Variants in EML4 observed in about 807,000 individuals in gnomAD.
EML4 encodes echinoderm microtubule-associated protein-like 4.
EML4 carries 72 observed loss-of-function variants against 129.0 expected under a neutral mutation model. The ratio of observed to expected loss-of-function variants is 0.56; its 90% confidence interval spans 0.46 to 0.68. EML4 has a LOEUF of 0.68. EML4 is among the 30% of genes least tolerant of loss of function. The pLI is 0.00. For synonymous variants in EML4, 532 were observed against 405.0 expected, an observed-to-expected ratio of 1.31 and a Z score of -3.77; for missense variants, 1,363 against 1,190.6, an observed-to-expected ratio of 1.14 and a Z score of -2.13.
rs370621801 is a variant in EML4 at position 42,329,991 on chromosome 2, T to G, written c.2730T>G (p.Ala910=). The part of the protein sequence containing the change: ...PPPSQPLNET[A]EEESRISSSP... Reference sequence around the variant, plus strand: ...CTTCTCAGCCCTTAAATGAGACAGCTGAAGAGGAAAGTAGAATAAGCAGTT... The same window carrying G: ...CTTCTCAGCCCTTAAATGAGACAGCGGAAGAGGAAAGTAGAATAAGCAGTT... Residue 910 remains alanine, a synonymous_variant, in exon 23 of 23, where the codon GCT becomes GCG. Coordinates refer to ENST00000318522, the MANE Select transcript of EML4 (RefSeq NM_019063.5). The G allele has an allele frequency of 3.1e-6, 5 of 1,613,636 alleles. No individual in the cohort carries two copies. In the African/African-American group the frequency reaches 4.0e-5, roughly 13 times the overall value.
At chr2:42,243,618 A>G (rs1265887012) in intron 1 of EML4, among the ~76,000 whole-genome samples, 1 of 152,238 alleles carries the variant, frequency 6.6e-6, no homozygotes, top group East Asian at 1.9e-4. Context: ...TGAAGTCTAG[A>G]TTAAAGATGA....
intron 1 of EML4, among the ~76,000 whole-genome samples, chr2:42,198,545 C>CA (rs1371690627): frequency 6.6e-6 from 1 of 151,464 alleles, no homozygotes; most frequent in Non-Finnish European, 1.5e-5. Context: ...TCCATCTCTA[C>CA]AAAAAAAGAA....
At chr2:42,213,903 G>A (rs1207355723) in intron 1 of EML4, among the ~76,000 whole-genome samples, 2 of 152,152 alleles carry the variant, frequency 1.3e-5, no homozygotes, top group Non-Finnish European at 2.9e-5. Flanking sequence ...CTTTTATGCA[G>A]TTATAATTTG....
intron 1 of EML4, among the ~76,000 whole-genome samples, chr2:42,180,346 C>A (rs1046423577): frequency 2.0e-5 from 3 of 152,094 alleles, no homozygotes; most frequent in Non-Finnish European, 4.4e-5. Flanking sequence ...TTTTGTTTGG[C>A]CCTTTTGAGT....
At chr2:42,169,695 G>T in intron 1 of EML4, 59 bp downstream of exon 1, 1 of 1,573,570 alleles carries the variant, frequency 6.4e-7, no homozygotes, top group Admixed American at 1.8e-5. Flanking sequence ...TTTTCCTTCC[G>T]CACACAGCCC....
rs755141552 is a variant in EML4, at chr2:42,317,547, T to C, written c.2154+23T>C. The C allele has an allele frequency of 1.6e-5, 24 of 1,525,698 alleles. No individual in the cohort carries two copies. In the East Asian group the frequency reaches 3.8e-4, roughly 24 times the overall value. 94.5% of individuals were successfully genotyped at this position (1,525,698 alleles called of 1,614,324 possible). A position where few individuals can be genotyped will look rare whatever the true frequency, so the allele number is the denominator to read the frequency against. On this transcript the variant is annotated intron_variant, in intron 19 of 22. Coordinates refer to ENST00000318522, the MANE Select transcript of EML4 (RefSeq NM_019063.5). ...ACTGTAAGTAGTGAAGTAGAACAAG[T>C]TGTAAAATTATTGGGAAATTTTACT...
chr2:42,256,651 GA>G, intron 3 of EML4, 21 bp downstream of exon 3: 1 of 1,612,370 alleles, frequency 6.2e-7, no homozygotes, highest in Non-Finnish European at 8.5e-7. Flanking sequence ...ATGAAAGGGG[GA>G]AAAACTAACA....
chr2:42,176,989 C>A (rs1235721779), intron 1 of EML4, among the ~76,000 whole-genome samples: 1 of 152,040 alleles, frequency 6.6e-6, no homozygotes, highest in Non-Finnish European at 1.5e-5. Flanking sequence ...AGACGGGTTT[C>A]ACCATGTTGG....
At chr2:42,178,608 TG>T (rs1670754442) in intron 1 of EML4, among the ~76,000 whole-genome samples, 1 of 152,160 alleles carries the variant, frequency 6.6e-6, no homozygotes, top group Non-Finnish European at 1.5e-5. Context: ...GTGTGGTGCC[TG>T]TCACGTGAGA....
At chr2:42,244,760 C>A (rs1410229063) in intron 1 of EML4, among the ~76,000 whole-genome samples, 1 of 152,088 alleles carries the variant, frequency 6.6e-6, no homozygotes, top group Non-Finnish European at 1.5e-5. Context: ...CTATCTGATA[C>A]ATAAAACCAA....
chr2:42,222,555 C>T (rs925883986), intron 1 of EML4, among the ~76,000 whole-genome samples: 2 of 152,086 alleles, frequency 1.3e-5, no homozygotes, highest in Non-Finnish European at 2.9e-5. Context: ...ACCTTTTGTC[C>T]TACAAAGCCT....
intron 17 of EML4, among the ~76,000 whole-genome samples, chr2:42,305,429 A>G (rs1668539756): frequency 6.6e-6 from 1 of 152,104 alleles, no homozygotes. Flanking sequence ...GAATCAGAAA[A>G]TTTCTCTCCT....
chr2:42,265,098 CT>C (rs147902234), intron 6 of EML4: 3,548 of 679,886 alleles, frequency 5.2e-3, no homozygotes, highest in South Asian at 8.1e-3. Flanking sequence ...CTACATTTTA[CT>C]TTTTTTTTTG....
chr2:42,303,562 G>A (rs956147245), intron 16 of EML4, 116 bp downstream of exon 16: 11 of 1,137,202 alleles, frequency 9.7e-6, no homozygotes, highest in South Asian at 2.9e-5. Flanking sequence ...TAAACATATG[G>A]TTTAGTAATA....
chr2:42,208,274 G>A (rs1672678148), intron 1 of EML4, among the ~76,000 whole-genome samples: 1 of 151,946 alleles, frequency 6.6e-6, no homozygotes, highest in East Asian at 1.9e-4. Flanking sequence ...TTGAATCTGA[G>A]TAATTTTGCC....
intron 1 of EML4, among the ~76,000 whole-genome samples, chr2:42,208,937 C>A (rs901553460): frequency 3.3e-5 from 5 of 152,044 alleles, no homozygotes; most frequent in African/African-American, 1.2e-4. Flanking sequence ...GGTACCCATC[C>A]CATTTACAGT....
chr2:42,194,196 G>T (rs1043569426), intron 1 of EML4, among the ~76,000 whole-genome samples: 11 of 152,094 alleles, frequency 7.2e-5, no homozygotes, highest in African/African-American at 1.2e-4. Context: ...ATATCCTGTG[G>T]TGTTTGGTTA....
intron 6 of EML4, among the ~76,000 whole-genome samples, chr2:42,279,264 T>C (rs1666866293): frequency 6.6e-6 from 1 of 152,192 alleles, no homozygotes; most frequent in South Asian, 2.1e-4. Flanking sequence ...CTGAGAATAC[T>C]GATATCTCCT....
chr2:42,322,832 A>G (rs2103816120), intron 19 of EML4, among the ~76,000 whole-genome samples: 1 of 152,330 alleles, frequency 6.6e-6, no homozygotes, highest in East Asian at 1.9e-4. Context: ...CATAGACCCC[A>G]ACAGCTGCAT....
Sources: allele counts gnomAD v4.1 joint callset (sites outside exome capture counted in the v4.1 genomes callset), GRCh38; gene constraint gnomAD v4.1.1; transcripts MANE v1.5; gene names NCBI Gene and HGNC (gene_info 2026-07-23, HGNC 2026-07-21).